Variants in TMCC1 observed in about 807,000 individuals in gnomAD.
TMCC1 encodes the protein transmembrane and coiled-coil domains protein 1.
TMCC1 carries 15 observed loss-of-function variants against 52.4 expected under a neutral mutation model. The ratio of observed to expected loss-of-function variants is 0.29; its 90% CI spans 0.19 to 0.44. The LOEUF (loss-of-function observed/expected upper bound fraction) is 0.44. Among genes scored for constraint, TMCC1 ranks in the 20% least tolerant of loss-of-function variants. The pLI is 1.00. For synonymous variants in TMCC1, 279 were observed against 301.9 expected (o/e 0.92, Z 0.79); for missense variants, 503 against 806.0 (o/e 0.62, Z 4.55).
chr3:129,829,921 C>G (rs966606265), intron 3 of TMCC1, among the ~76,000 whole-genome samples: 1 of 152,202 alleles, frequency 6.6e-6, no homozygotes, highest in Admixed American at 6.5e-5. Context: ...ATTGTGGCTC[C>G]ACTGTCCATA....
intron 4 of TMCC1, among the ~76,000 whole-genome samples, chr3:129,780,400 A>C (rs2055423044): frequency 6.6e-6 from 1 of 151,974 alleles, no homozygotes; most frequent in South Asian, 2.1e-4. Context: ...TCTCTTTGGC[A>C]TTTGACACTA....
intron 4 of TMCC1, among the ~76,000 whole-genome samples, chr3:129,816,679 T>C (rs1322984856): frequency 6.6e-6 from 1 of 152,098 alleles, no homozygotes; most frequent in Non-Finnish European, 1.5e-5. Context: ...TAATGTTTGA[T>C]AGATCAGTAG....
intron 4 of TMCC1, among the ~76,000 whole-genome samples, chr3:129,817,315 G>A (rs2058147087): frequency 6.6e-6 from 1 of 152,046 alleles, no homozygotes; most frequent in African/African-American, 2.4e-5. Context: ...CGGGTGTGGT[G>A]GCCCATGTCT....
intron 4 of TMCC1, among the ~76,000 whole-genome samples, chr3:129,680,238 G>A (rs918281146): frequency 3.3e-5 from 5 of 152,268 alleles, no homozygotes; most frequent in South Asian, 2.1e-4. Context: ...CTGAGACTAC[G>A]AAAGTGGAAG....
At chr3:129,749,832 T>A (rs1429482982) in intron 4 of TMCC1, among the ~76,000 whole-genome samples, 1 of 152,198 alleles carries the variant, frequency 6.6e-6, no homozygotes, top group African/African-American at 2.4e-5. Flanking sequence ...TGAATCCTGT[T>A]GAGACCTGTC....
chr3:129,770,642 A>G (rs1429978576), intron 4 of TMCC1, among the ~76,000 whole-genome samples: 1 of 152,072 alleles, frequency 6.6e-6, no homozygotes, highest in Non-Finnish European at 1.5e-5. Flanking sequence ...GAAATAAAAT[A>G]AAATAAAATA....
chr3:129,807,001 A>G (rs1359698810), intron 4 of TMCC1, among the ~76,000 whole-genome samples: 1 of 152,198 alleles, frequency 6.6e-6, no homozygotes, highest in East Asian at 1.9e-4. Context: ...TAAATAAATA[A>G]TATGAATACA....
At chr3:129,736,984 T>C (rs1412782812) in intron 4 of TMCC1, among the ~76,000 whole-genome samples, 2 of 152,196 alleles carry the variant, frequency 1.3e-5, no homozygotes, top group Non-Finnish European at 2.9e-5. Context: ...CTTTCACACA[T>C]ATGCAAACCT....
At position 129,648,203 on chromosome 3, in the gene TMCC1, A is replaced by G. The variant is rs1338605575; in HGVS notation, c.*3278T>C. 1 of 152,266 alleles carries G rather than the reference A, an allele frequency of 6.6e-6. No homozygotes were observed. Among genetic ancestry groups the G allele is most frequent in the African/African-American group, 2.4e-5 (1 of 41,468 alleles). 9.4% of individuals were successfully genotyped at this position (152,266 alleles called of 1,614,324 possible). On this transcript the variant is annotated 3_prime_UTR_variant, in exon 7 of 7. Transcript: ENST00000393238. ...TAGTTGCATATTTTCCAAAGCTGAAAGGCAGCTCCTCATTGGAACTCTCTC... is the reference window on the plus strand; with the variant it reads ...TAGTTGCATATTTTCCAAAGCTGAAGGGCAGCTCCTCATTGGAACTCTCTC...
intron 4 of TMCC1, among the ~76,000 whole-genome samples, chr3:129,797,333 A>C (rs73206257): frequency 1.9e-4 from 29 of 150,570 alleles, no homozygotes; most frequent in Middle Eastern, 3.5e-3. Context: ...CTCAAACAAA[A>C]AAAAAAAACA....
chr3:129,737,299 C>T (rs1261126163), intron 4 of TMCC1, among the ~76,000 whole-genome samples: 2 of 151,744 alleles, frequency 1.3e-5, no homozygotes, highest in South Asian at 2.1e-4. Flanking sequence ...GCCAACATGG[C>T]AAAACCCCAT....
At chr3:129,659,477 G>T (rs1052160631) in intron 5 of TMCC1, among the ~76,000 whole-genome samples, 15 of 152,026 alleles carry the variant, frequency 9.9e-5, no homozygotes, top group African/African-American at 2.4e-5. Flanking sequence ...AACAATAAAG[G>T]GGGGCAAGGA....
intron 4 of TMCC1, among the ~76,000 whole-genome samples, chr3:129,750,570 A>ATTTTT (rs374554261): frequency 1.1e-5 from 1 of 89,956 alleles, no homozygotes; most frequent in African/African-American, 4.4e-5. Context: ...ATAGATCTAA[A>ATTTTT]TTTTTTTTTT....
chr3:129,855,833 TA>T (rs2060126075), intron 2 of TMCC1, among the ~76,000 whole-genome samples: 1 of 152,218 alleles, frequency 6.6e-6, no homozygotes, highest in African/African-American at 2.4e-5. Flanking sequence ...AATTCATTTT[TA>T]AAAAGGTAAA....
At chr3:129,753,499 T>A (rs552533324) in intron 4 of TMCC1, among the ~76,000 whole-genome samples, 2 of 152,330 alleles carry the variant, frequency 1.3e-5, no homozygotes, top group South Asian at 2.1e-4. Context: ...AATTAATACA[T>A]CACAACCAAG....
At chr3:129,714,148 T>G (rs2048899294) in intron 4 of TMCC1, among the ~76,000 whole-genome samples, 1 of 152,232 alleles carries the variant, frequency 6.6e-6, no homozygotes, top group African/African-American at 2.4e-5. Context: ...TCAAAGATAT[T>G]TGTCATTAAA....
rs887863283 is a variant in TMCC1, at chr3:129,649,416, G to A, written c.*2065C>T. The A allele has an allele frequency of 3.3e-5, 5 of 152,082 alleles. No individual in the cohort carries two copies. Among genetic ancestry groups the A allele is most frequent in the African/African-American group, 1.2e-4 (5 of 41,282 alleles). 9.4% of individuals were successfully genotyped at this position (152,082 alleles called of 1,614,324 possible). A position where few individuals can be genotyped will look rare whatever the true frequency, so the allele number is the denominator to read the frequency against. On this transcript the variant is annotated 3_prime_UTR_variant, in exon 7 of 7. Transcript: ENST00000393238. ...TTGTTTTTGGCATGAACATGAATTGGTTCTAATTTTTTTTTTTTTAAAGAA... is the reference window on the plus strand; with the variant it reads ...TTGTTTTTGGCATGAACATGAATTGATTCTAATTTTTTTTTTTTTAAAGAA...
At chr3:129,837,887 T>C (rs1351147808) in intron 2 of TMCC1, among the ~76,000 whole-genome samples, 5 of 152,164 alleles carry the variant, frequency 3.3e-5, no homozygotes. Flanking sequence ...TTTGAGAGGC[T>C]TATCAAGTAG....
rs966114222 is a variant in TMCC1 at position 129,688,588 on chromosome 3, C to T, written c.577-17324G>A. On this transcript the variant is annotated intron_variant, in intron 4 of 6. Coordinates refer to ENST00000393238, the MANE Select transcript of TMCC1 (RefSeq NM_001017395.5). Reference sequence around the variant, plus strand: ...GCCCACCTCAGCCTATGTATAGTTTCAATTCTATCTCCTGTAGCAACTCTT... The same window carrying T: ...GCCCACCTCAGCCTATGTATAGTTTTAATTCTATCTCCTGTAGCAACTCTT... The T allele has an allele frequency of 1.4e-5, 14 of 985,512 alleles. No individual in the cohort carries two copies. The African/African-American group carries it at 2.4e-4, about 17-fold the overall frequency. The allele number at this position is 985,512 out of a possible 1,614,324, so 61.0% of individuals were successfully genotyped here.
Sources: gnomAD v4.1 joint callset for allele counts (sites outside exome capture counted in the v4.1 genomes callset) on GRCh38, gnomAD v4.1.1 for gene constraint, MANE v1.5 for transcripts, NCBI Gene and HGNC (gene_info 2026-07-23, HGNC 2026-07-21) for gene names.